SV2B: variants seen among roughly 807,000 people sequenced by gnomAD.
SV2B encodes solute carrier family 22 member B2.
SV2B carries 41 observed loss-of-function variants against 73.9 expected under a neutral mutation model. The observed-to-expected ratio is 0.56, with a 90% CI of 0.43 to 0.72. The LOEUF (loss-of-function observed/expected upper bound fraction) is 0.72, where lower values mean the gene tolerates loss of function less well. Ranked by LOEUF, SV2B falls within the 30% of genes least tolerant of loss-of-function variation. SV2B has a pLI of 0.00. For synonymous variants in SV2B, 314 were observed against 314.2 expected (o/e 1.00, Z 0.01); for missense variants, 764 against 857.8 (o/e 0.89, Z 1.37).
chr15:91,172,060 A>G (rs1392817778), intron 1 of SV2B, among the ~76,000 whole-genome samples: 1 of 152,188 alleles, frequency 6.6e-6, no homozygotes, highest in East Asian at 1.9e-4. Context: ...ATTTTGTCAA[A>G]ACACATCAAC....
chr15:91,161,539 T>C (rs975874275), intron 1 of SV2B, among the ~76,000 whole-genome samples: 2 of 152,348 alleles, frequency 1.3e-5, no homozygotes, highest in East Asian at 1.9e-4. Flanking sequence ...CTGCTTACAA[T>C]GTATTAGGCA....
In SV2B at chr15:91,293,972, C is replaced by T. The variant is rs1254536482; in HGVS notation, c.*1420C>T. 7.2e-5 allele frequency: 11 copies of T among 152,216 alleles called. No individual in the cohort carries two copies. Among genetic ancestry groups the T allele is most frequent in the Admixed American group, 5.9e-4 (9 of 15,278 alleles). 9.4% of individuals were successfully genotyped at this position (152,216 alleles called of 1,614,324 possible). ...GGTCAGCAATAGACTGAAGTCTTGACTGCATGGAAGAGGAAAAACATCAGA... is the reference window on the plus strand; with the variant it reads ...GGTCAGCAATAGACTGAAGTCTTGATTGCATGGAAGAGGAAAAACATCAGA... On this transcript the variant is annotated 3_prime_UTR_variant, in exon 13 of 13. Coordinates refer to ENST00000394232, the MANE Select transcript of SV2B (RefSeq NM_001323032.3).
chr15:91,112,493 A>G (rs2042064558), intron 1 of SV2B, among the ~76,000 whole-genome samples: 1 of 152,224 alleles, frequency 6.6e-6, no homozygotes, highest in Non-Finnish European at 1.5e-5. Flanking sequence ...GATCCCAGAG[A>G]GCATGGAAAG....
chr15:91,152,515 C>G (rs55917369), intron 1 of SV2B, among the ~76,000 whole-genome samples: 24,830 of 152,124 alleles, frequency 0.16, 3,341 homozygotes, highest in African/African-American at 0.37. Context: ...TACATCTTGT[C>G]CTTAAATAGA....
rs897914499 is a variant in SV2B at position 91,236,507 on chromosome 15, G to C, written c.451+9793G>C. Among the ~76,000 whole-genome samples, 3 of 152,180 alleles carry C rather than the reference G, an allele frequency of 2.0e-5. No individual in the cohort carries two copies. Among genetic ancestry groups the C allele is most frequent in the African/African-American group, 7.2e-5 (3 of 41,442 alleles). ...ACTGAGAATGGAGGTGGAAGTTGCA[G>C]AGTTGGGAGTGGGCTGGAAATATAT... is the stretch of plus-strand genomic sequence containing the variant. On this transcript the variant is annotated intron_variant, in intron 2 of 12. Coordinates refer to ENST00000394232, the MANE Select transcript of SV2B (RefSeq NM_001323032.3). The surrounding 1 kb of genome is among the most constrained non-coding windows in gnomAD (Gnocchi z 4.1).
intron 1 of SV2B, among the ~76,000 whole-genome samples, chr15:91,179,611 C>G (rs2044467451): frequency 6.6e-6 from 1 of 152,094 alleles, no homozygotes; most frequent in African/African-American, 2.4e-5. Context: ...GGATAGTTAG[C>G]TCTTCTTGTT....
At chr15:91,191,637 G>C (rs138359217) in intron 1 of SV2B, among the ~76,000 whole-genome samples, 1 of 152,022 alleles carries the variant, frequency 6.6e-6, no homozygotes, top group African/African-American at 2.4e-5. Flanking sequence ...CCCCTACTGC[G>C]GTAGCTCAAA....
rs892405183 is a variant in SV2B, at chr15:91,214,957, G to A, written c.-391-10916G>A. On this transcript the variant is annotated intron_variant, in intron 1 of 12. Coordinates refer to ENST00000394232, the MANE Select transcript of SV2B (RefSeq NM_001323032.3). This position sits in a 1 kb window ranked among gnomAD's most constrained non-coding sequence, Gnocchi z 4.7. ...TGATTCTTGATTCTGTTTACCAGTCGTACTGCAGGCTGGGACCATTGTTGC... is the reference window on the plus strand; with the variant it reads ...TGATTCTTGATTCTGTTTACCAGTCATACTGCAGGCTGGGACCATTGTTGC... 5.9e-5 allele frequency among the ~76,000 whole-genome samples: 9 copies of A among 152,206 alleles called. No individual in the cohort carries two copies. Among genetic ancestry groups the A allele is most frequent in the African/African-American group, 1.7e-4 (7 of 41,442 alleles).
chr15:91,150,037 C>G (rs967598710), intron 1 of SV2B, among the ~76,000 whole-genome samples: 1 of 152,126 alleles, frequency 6.6e-6, no homozygotes, highest in African/African-American at 2.4e-5. Context: ...CAGAGTCTCA[C>G]TCTGTCACCC....
At chr15:91,287,599 T>A (rs1030118118) in intron 11 of SV2B, among the ~76,000 whole-genome samples, 2 of 152,218 alleles carry the variant, frequency 1.3e-5, no homozygotes, top group Non-Finnish European at 2.9e-5. Flanking sequence ...CTATAAGGGC[T>A]GTGCTGCTCA....
intron 1 of SV2B, among the ~76,000 whole-genome samples, chr15:91,147,860 T>C (rs1241102247): frequency 6.6e-6 from 1 of 151,752 alleles, no homozygotes; most frequent in Non-Finnish European, 1.5e-5. Flanking sequence ...TTCCTTATGA[T>C]TGTAAGATGG....
intron 1 of SV2B, among the ~76,000 whole-genome samples, chr15:91,194,764 G>T (rs2045182726): frequency 6.6e-6 from 1 of 152,162 alleles, no homozygotes; most frequent in Admixed American, 6.5e-5. Flanking sequence ...TACTCCTTGT[G>T]GTGGGCTGTA....
At chr15:91,270,825 AATCCTGTGGATGATGGGG>A in intron 9 of SV2B, among the ~76,000 whole-genome samples, 1 of 114,556 alleles carries the variant, frequency 8.7e-6, no homozygotes, top group Non-Finnish European at 1.9e-5. Context: ...GGGGATGGTG[AATCCTGTGGATGATGGGG>A]GGACGGTGAA....
intron 1 of SV2B, among the ~76,000 whole-genome samples, chr15:91,172,768 G>T (rs2044168831): frequency 6.6e-6 from 1 of 152,342 alleles, no homozygotes; most frequent in East Asian, 1.9e-4. Flanking sequence ...ATATCTGGAA[G>T]ATGGTGAGAC....
intron 1 of SV2B, among the ~76,000 whole-genome samples, chr15:91,111,791 G>T (rs1036025928): frequency 6.6e-6 from 1 of 152,052 alleles, no homozygotes; most frequent in Non-Finnish European, 1.5e-5. Flanking sequence ...ATCTGGAGAG[G>T]CCTCAGGAAG....
intron 9 of SV2B, among the ~76,000 whole-genome samples, chr15:91,272,571 T>A (rs1355549895): frequency 4.6e-5 from 7 of 152,108 alleles, no homozygotes; most frequent in Non-Finnish European, 8.8e-5. Context: ...CTCACTCAGA[T>A]GATTTGCCAA....
chr15:91,287,552 T>A (rs1293352210), intron 11 of SV2B, among the ~76,000 whole-genome samples: 5 of 152,212 alleles, frequency 3.3e-5, no homozygotes, highest in African/African-American at 1.2e-4. Context: ...TTGGGCAGCA[T>A]TTGACAGTCT....
At chr15:91,146,598 G>C (rs1199369641) in intron 1 of SV2B, among the ~76,000 whole-genome samples, 1 of 152,058 alleles carries the variant, frequency 6.6e-6, no homozygotes, top group Non-Finnish European at 1.5e-5. Context: ...TTTTCATTTA[G>C]GTTTGTGTCA....
intron 1 of SV2B, among the ~76,000 whole-genome samples, chr15:91,112,142 C>T (rs1249764623): frequency 6.3e-4 from 10 of 15,994 alleles, no homozygotes; most frequent in East Asian, 3.2e-3. Flanking sequence ...AGGGTTGGGT[C>T]GGGTGGGGAT....
Sources: gnomAD v4.1 joint callset for allele counts (sites outside exome capture counted in the v4.1 genomes callset) on GRCh38, gnomAD v4.1.1 for gene constraint, Gnocchi (gnomAD v3.1) non-coding constraint, MANE v1.5 for transcripts, NCBI Gene and HGNC (gene_info 2026-07-23, HGNC 2026-07-21) for gene names.